Variants in SCAI observed in about 807,000 individuals in gnomAD.
SCAI encodes the protein protein SCAI.
SCAI carries 24 observed loss-of-function variants against 92.2 expected under a neutral mutation model. That is an observed-to-expected ratio of 0.26 (90% CI 0.19 to 0.37). The LOEUF (loss-of-function observed/expected upper bound fraction) is 0.37. Among genes scored for constraint, SCAI ranks in the 10% least tolerant of loss-of-function variants. SCAI has a pLI of 1.00. For missense variants in SCAI, 450 were observed against 736.2 expected (o/e 0.61, Z 4.50); for synonymous variants, 261 against 258.6 (o/e 1.01, Z -0.09).
At chr9:125,108,571 AG>A (rs1834862309) in intron 2 of SCAI, among the ~76,000 whole-genome samples, 1 of 131,770 alleles carries the variant, frequency 7.6e-6, no homozygotes, top group Non-Finnish European at 1.6e-5. Flanking sequence ...GCCCCGTCTG[AG>A]AAGTGAGGAG....
chr9:125,074,402 G>A lies in SCAI; in HGVS notation c.99-18395C>T, dbSNP rs549481787. ...CTCCTGAGTAGCTGGGATTACAGGC[G>A]TGCACCACCATGCCTGGCTAATTAT... On this transcript the variant is annotated intron_variant, in intron 2 of 17. Transcript: ENST00000336505. Among the ~76,000 whole-genome samples the A allele has an allele frequency of 4.0e-4, 61 of 151,128 alleles. No homozygotes were observed. The South Asian group carries it at 0.011, about 27-fold the overall frequency.
At chr9:125,065,783 A>G (rs1243917980) in intron 2 of SCAI, among the ~76,000 whole-genome samples, 1 of 152,212 alleles carries the variant, frequency 6.6e-6, no homozygotes, top group Non-Finnish European at 1.5e-5. Flanking sequence ...ATATTTGAAA[A>G]TCAATCACTG....
In SCAI at chr9:124,943,556, C is replaced by G. The variant is rs11557468; in HGVS notation, c.*9251G>C. On this transcript the variant is annotated 3_prime_UTR_variant, in exon 18 of 18. Coordinates refer to ENST00000336505, the MANE Select transcript of SCAI (RefSeq NM_001144877.3). ...CTATAATCCCTATAGTGTTAAAATT[C>G]TATAACATTTCAGTTACAGACAAGC... 1.3e-5 allele frequency: 2 copies of G among 152,142 alleles called. No individual in the cohort carries two copies. The highest frequency in any genetic ancestry group is 4.8e-5 in the African/African-American group (2 of 41,422). The allele number at this position is 152,142 out of a possible 1,614,324, so 9.4% of individuals were successfully genotyped here.
chr9:125,002,069 C>A (rs770839071), intron 11 of SCAI, 26 bp from the exon 12 acceptor site: 9 of 1,456,580 alleles, frequency 6.2e-6, no homozygotes, highest in Non-Finnish European at 8.7e-6. Context: ...ATCACATACA[C>A]AAAACAACAA....
chr9:125,035,256 G>C (rs1833168513), intron 3 of SCAI, among the ~76,000 whole-genome samples: 2 of 152,062 alleles, frequency 1.3e-5, no homozygotes, highest in African/African-American at 2.4e-5. Context: ...CTCAGAGTCT[G>C]AGGAAGGAGA....
chr9:125,053,978 T>C (rs1395544816), intron 3 of SCAI, among the ~76,000 whole-genome samples: 2 of 152,132 alleles, frequency 1.3e-5, no homozygotes, highest in Non-Finnish European at 2.9e-5. Flanking sequence ...CTTTAAGATT[T>C]TGTTTTTATT....
rs938487222 is a variant in SCAI, at chr9:124,949,905, GCA to G, written c.*2900_*2901del. ...ATCAATGAAACAATAACATTTTCCA[GCA>G]CAGTTTTCCTCTCTTTGAAGATTCA... On this transcript the variant is annotated 3_prime_UTR_variant, in exon 18 of 18. Coordinates refer to ENST00000336505, the MANE Select transcript of SCAI (RefSeq NM_001144877.3). This position sits in a 1 kb window ranked among gnomAD's most constrained non-coding sequence, Gnocchi z 4.0. 68 of 152,130 alleles carry G rather than the reference GCA, an allele frequency of 4.5e-4. No homozygotes were observed. The highest frequency in any genetic ancestry group is 3.4e-3 in the Middle Eastern group (1 of 294). 9.4% of individuals were successfully genotyped at this position (152,130 alleles called of 1,614,324 possible).
chr9:125,055,863 A>G lies in SCAI; in HGVS notation c.230+13T>C, dbSNP rs1444081122. On this transcript the variant is annotated intron_variant, in intron 3 of 17. Transcript: ENST00000336505. ...AACTAAAGAAAAGTTCAAAACACCA[A>G]GAGTCCACTCACCTTAACCCATTGA... 3.8e-6 allele frequency: 6 copies of G among 1,583,366 alleles called. No individual in the cohort carries two copies. Among genetic ancestry groups the G allele is most frequent in the Middle Eastern group, 1.7e-4 (1 of 5,916 alleles).
intron 2 of SCAI, among the ~76,000 whole-genome samples, chr9:125,081,190 G>C (rs1462165265): frequency 6.6e-6 from 1 of 152,218 alleles, no homozygotes; most frequent in Admixed American, 6.5e-5. Flanking sequence ...AGTGGGGCTT[G>C]CTGAAATGTA....
At chr9:125,127,811 C>T (rs1835309883) in intron 2 of SCAI, among the ~76,000 whole-genome samples, 1 of 152,044 alleles carries the variant, frequency 6.6e-6, no homozygotes, top group South Asian at 2.1e-4. Context: ...AGTTTGAGAC[C>T]AGCCTGGCCA....
intron 2 of SCAI, among the ~76,000 whole-genome samples, chr9:125,134,918 C>T (rs1351442295): frequency 1.3e-5 from 2 of 152,156 alleles, no homozygotes; most frequent in African/African-American, 4.8e-5. Context: ...TTAGGTGATC[C>T]GCCCGCCTCA....
chr9:125,136,614 C>T (rs1835537372), intron 2 of SCAI, among the ~76,000 whole-genome samples: 1 of 151,690 alleles, frequency 6.6e-6, no homozygotes, highest in African/African-American at 2.4e-5. Flanking sequence ...CTGCCTGCCA[C>T]CACGCCCGGC....
chr9:125,074,052 G>A (rs1479261728), intron 2 of SCAI, among the ~76,000 whole-genome samples: 1 of 151,458 alleles, frequency 6.6e-6, no homozygotes, highest in Non-Finnish European at 1.5e-5. Context: ...GAGGTCAAGA[G>A]ATCGAGACCG....
At chr9:125,114,987 G>T (rs961083332) in intron 2 of SCAI, among the ~76,000 whole-genome samples, 5 of 151,866 alleles carry the variant, frequency 3.3e-5, no homozygotes, top group African/African-American at 1.2e-4. Context: ...TGGCCAGGCT[G>T]GTCTCGAACT....
intron 7 of SCAI, among the ~76,000 whole-genome samples, chr9:125,020,215 T>A (rs1832842203): frequency 6.6e-6 from 1 of 152,128 alleles, no homozygotes; most frequent in Admixed American, 6.6e-5. Flanking sequence ...ATTACAGGTA[T>A]TAAGTGGGTC....
At chr9:125,140,817 C>A (rs1208993634) in intron 2 of SCAI, among the ~76,000 whole-genome samples, 1 of 151,372 alleles carries the variant, frequency 6.6e-6, no homozygotes, top group Non-Finnish European at 1.5e-5. Flanking sequence ...TGAGATTGCA[C>A]CACTGCACTA....
chr9:124,959,996 A>G (rs1406650846), intron 17 of SCAI, among the ~76,000 whole-genome samples: 1 of 152,146 alleles, frequency 6.6e-6, no homozygotes, highest in East Asian at 1.9e-4. Flanking sequence ...CAATAAACAT[A>G]TATGTGCATG....
At chr9:125,016,559 A>G (rs192307822) in intron 9 of SCAI, among the ~76,000 whole-genome samples, 5 of 152,300 alleles carry the variant, frequency 3.3e-5, no homozygotes, top group African/African-American at 7.2e-5. Context: ...AAATGCCATA[A>G]TAATGAAGTC....
At chr9:125,004,746 TA>T (rs1832440678) in intron 9 of SCAI, among the ~76,000 whole-genome samples, 5 of 14,416 alleles carry the variant, frequency 3.5e-4, no homozygotes, top group Non-Finnish European at 4.9e-4. Context: ...TATATATATA[TA>T]TATATATATA....
Sources: allele counts gnomAD v4.1 joint callset (sites outside exome capture counted in the v4.1 genomes callset), GRCh38; gene constraint gnomAD v4.1.1; non-coding constraint Gnocchi (gnomAD v3.1); transcripts MANE v1.5; gene names NCBI Gene and HGNC (gene_info 2026-07-23, HGNC 2026-07-21).